Variants in PCDH12 observed in about 807,000 individuals in gnomAD.
PCDH12 encodes the protein protocadherin 12, also known as protocadherin-12.
A neutral mutation model predicts 70.9 loss-of-function variants in PCDH12; 45 were observed. The observed-to-expected ratio is 0.63, with a 90% confidence interval of 0.50 to 0.81. The LOEUF (loss-of-function observed/expected upper bound fraction) is 0.81, where lower values mean the gene tolerates loss of function less well. PCDH12 is among the 40% of genes least tolerant of loss of function. The probability of loss-of-function intolerance (pLI) is 0.00; values close to 1 mark genes in which losing one functional copy is unlikely to be tolerated. For missense variants in PCDH12, 1,370 were observed against 1,491.7 expected (o/e 0.92, Z 1.34); for synonymous variants, 567 against 626.0 (o/e 0.91, Z 1.41).
chr5:141,955,739 A>C lies in PCDH12; in HGVS notation c.2113T>G (p.Ser705Ala). ...CTCAAGGCCCCAGGCTTGCGGGCTGAGTCCCTCAGGTGGTCCACACTGGTG... is the reference window on the plus strand; with the variant it reads ...CTCAAGGCCCCAGGCTTGCGGGCTGCGTCCCTCAGGTGGTCCACACTGGTG... ...FVTSVDHLRD[S>A]ARKPGALSMS... Residue 705 changes from serine (S) to alanine (A), a missense_variant, in exon 1 of 4, where the codon TCA (serine) becomes GCA (alanine). By Grantham distance (99) the Ser-to-Ala change is moderately conservative (BLOSUM62 1). Coordinates refer to ENST00000231484, the MANE Select transcript of PCDH12 (RefSeq NM_016580.4). This position sits in a 1 kb window ranked among gnomAD's most constrained non-coding sequence, Gnocchi z 5.5. 2 of 1,614,112 alleles carry C rather than the reference A, an allele frequency of 1.2e-6. No homozygotes were observed. Among genetic ancestry groups the C allele is most frequent in the Non-Finnish European group, 1.7e-6 (2 of 1,179,992 alleles).
Position 141,956,965 on chromosome 5 carries a change from C to G in PCDH12, c.887G>C (p.Ser296Thr), listed in dbSNP as rs772762276. 1.2e-6 allele frequency: 2 copies of G among 1,614,072 alleles called. No individual in the cohort carries two copies. The highest frequency in any genetic ancestry group is 1.1e-5 in the South Asian group (1 of 91,082). Residue 296 changes from serine to threonine, a missense_variant, in exon 1 of 4, where the codon AGT becomes ACT. Ser to Thr is a moderately conservative substitution (Grantham distance 58). Transcript: ENST00000231484. ...GACCTGGCCTGTCTTGGCATCAATA[C>G]TGAAGGTGTCCAGCACCTCTGGAGG... ...HMPPEVLDTF[S>T]IDAKTGQVIL... is the part of the protein sequence containing the mutation.
At position 141,952,883 on chromosome 5, in the gene PCDH12, G is replaced by A. The variant is rs572707153; in HGVS notation, c.2881-1293C>T. ...TCCATCCCCATTCCTCCCTTAGGAG[G>A]TCCACCATGCCCCTCTGTGCAGCTT... is the stretch of plus-strand genomic sequence containing the variant. On this transcript the variant is annotated intron_variant, in intron 1 of 3. Transcript: ENST00000231484. 3 of 152,354 alleles carry A rather than the reference G, an allele frequency of 2.0e-5. No individual in the cohort carries two copies. The East Asian group carries it at 5.8e-4, about 29-fold the overall frequency. 9.4% of individuals were successfully genotyped at this position (152,354 alleles called of 1,614,324 possible).
chr5:141,951,771 C>A (rs1395942967), intron 1 of PCDH12, among the ~76,000 whole-genome samples, 181 bp from the exon 2 acceptor site: 1 of 152,222 alleles, frequency 6.6e-6, no homozygotes, highest in East Asian at 1.9e-4. Context: ...CGGGCAGGTC[C>A]CCTGCTCTGT....
Position 141,955,235 on chromosome 5 carries a change from C to T in PCDH12, c.2617G>A (p.Gly873Ser), listed in dbSNP as rs778658899. 2.5e-6 allele frequency: 4 copies of T among 1,614,236 alleles called. No individual in the cohort carries two copies. In the Admixed American group the frequency reaches 5.0e-5, roughly 20 times the overall value. The stretch of plus-strand genomic sequence containing the variant: ...TTCAGAGGCCTGGAACGTGGCTGGC[C>T]TGTGGCAGGCTGGGGCTCGGGAAGG... ...LNLPEPQPATGQPRSRPLKVA... is the reference protein window; with the variant it reads ...LNLPEPQPATSQPRSRPLKVA... The change falls in exon 1 of 4, where the codon GGC (glycine) becomes AGC (serine). Residue 873 changes from glycine (G) to serine (S), a missense_variant. Transcript: ENST00000231484. The surrounding 1 kb of genome is among the most constrained non-coding windows in gnomAD (Gnocchi z 5.5).
Position 141,945,384 on chromosome 5 carries a change from C to T in PCDH12, c.3552G>A (p.Leu1184=). The T allele has an allele frequency of 4.8e-6, 5 of 1,050,466 alleles. No individual in the cohort carries two copies. Among genetic ancestry groups the T allele is most frequent in the Non-Finnish European group, 6.6e-6 (5 of 757,258 alleles). The allele number at this position is 1,050,466 out of a possible 1,614,324, so 65.1% of individuals were successfully genotyped here. A position where few individuals can be genotyped will look rare whatever the true frequency, so the allele number is the denominator to read the frequency against. ...TCCAGAGGCGTCTGAGGTATGTTCA[C>T]AGGCACCTGCTGCTGCTGCTGCTGC... ...SRGSSSSSRC[L] The change falls in exon 4 of 4, where the codon CTG becomes CTA. Residue 1184 remains leucine (L), a synonymous_variant. Transcript: ENST00000231484.
intron 1 of PCDH12, among the ~76,000 whole-genome samples, 190 bp downstream of exon 1, chr5:141,954,782 G>C (rs1753145833): frequency 2.6e-5 from 4 of 152,202 alleles, no homozygotes; most frequent in Admixed American, 6.5e-5. Context: ...TAAGGAATTT[G>C]CCTAGGATCA....
chr5:141,949,101 G>T (rs896173586), intron 3 of PCDH12, among the ~76,000 whole-genome samples: 1 of 151,594 alleles, frequency 6.6e-6, no homozygotes, highest in Admixed American at 6.6e-5. Context: ...GTGCTCACCT[G>T]TAGTCCCAGC....
chr5:141,949,161 C>G (rs969622090), intron 3 of PCDH12, among the ~76,000 whole-genome samples: 1 of 151,774 alleles, frequency 6.6e-6, no homozygotes, highest in African/African-American at 2.4e-5. Flanking sequence ...GAGGTCAATG[C>G]TGCAGTGAGC....
At chr5:141,954,236 T>G (rs1409042995) in intron 1 of PCDH12, among the ~76,000 whole-genome samples, 2 of 152,176 alleles carry the variant, frequency 1.3e-5, no homozygotes, top group East Asian at 3.8e-4. Context: ...TAATTTCCAC[T>G]GCCCCATCCG....
Position 141,951,569 on chromosome 5 carries a change from A to G in PCDH12, c.2902T>C (p.Leu968=), listed in dbSNP as rs763011076. 1.9e-5 allele frequency: 30 copies of G among 1,614,088 alleles called. No individual in the cohort carries two copies. In the African/African-American group the frequency reaches 3.7e-4, roughly 20 times the overall value. ...PVQQISQLLS[L]LHQGQFQPKP... is the part of the protein sequence containing the mutation. Reference sequence around the variant, plus strand: ...GGCTGGAATTGGCCCTGATGCAGCAAGGACAGCAGCTGGGAGATTTGCTAC... The same window carrying G: ...GGCTGGAATTGGCCCTGATGCAGCAGGGACAGCAGCTGGGAGATTTGCTAC... Residue 968 remains leucine (L), a synonymous_variant, in exon 2 of 4, where the codon TTG becomes CTG. Coordinates refer to ENST00000231484, the MANE Select transcript of PCDH12 (RefSeq NM_016580.4).
chr5:141,956,681 A>G lies in PCDH12; in HGVS notation c.1171T>C (p.Cys391Arg). 6.2e-7 allele frequency: 1 copy of G among 1,614,254 alleles called. No individual in the cohort carries two copies. ...TGGCCCAGCTCTTGGCTCAGCCAGC[A>G]GTGGACCAAACCATTGTGTCCTGAA... ...LDSGHNGLVH[C>R]WLSQELGHFR... The change falls in exon 1 of 4, where the codon TGC (cysteine) becomes CGC (arginine). Residue 391 changes from cysteine (C) to arginine (R), a missense_variant. By Grantham distance (180) the Cys-to-Arg change is radical. Transcript: ENST00000231484.
chr5:141,945,024 A>G lies in PCDH12; in HGVS notation c.*357T>C, dbSNP rs944136230. On this transcript the variant is annotated 3_prime_UTR_variant, in exon 4 of 4. Coordinates refer to ENST00000231484, the MANE Select transcript of PCDH12 (RefSeq NM_016580.4). The stretch of plus-strand genomic sequence containing the variant: ...GAGCATTTCCTGGCACCCCCAGGGT[A>G]CAGCCCCCTGACTCCTGCTACCCAA... 4 of 264,050 alleles carry G rather than the reference A, an allele frequency of 1.5e-5. No homozygotes were observed. The East Asian group carries it at 2.6e-4, about 17-fold the overall frequency. The allele number at this position is 264,050 out of a possible 1,614,324, so 16.4% of individuals were successfully genotyped here. A position where few individuals can be genotyped will look rare whatever the true frequency, so the allele number is the denominator to read the frequency against.
At position 141,957,652 on chromosome 5, in the gene PCDH12, T is replaced by C. The variant is rs1753209042; in HGVS notation, c.200A>G (p.Gln67Arg). 4 of 1,614,190 alleles carry C rather than the reference T, an allele frequency of 2.5e-6. No homozygotes were observed. Among genetic ancestry groups the C allele is most frequent in the Non-Finnish European group, 3.4e-6 (4 of 1,180,038 alleles). The change falls in exon 1 of 4, where the codon CAG (glutamine) becomes CGG (arginine). Residue 67 changes from glutamine to arginine, a missense_variant. By Grantham distance (43) the Gln-to-Arg change is conservative. Transcript: ENST00000231484. The surrounding 1 kb of genome is among the most constrained non-coding windows in gnomAD (Gnocchi z 4.3). ...GAGCGCCTGAGGCAGCTGCAACACC[T>C]GGAAGGCAGCCCCAGCTTGCCTCCG... ...ERRRQAGAAF[Q>R]VLQLPQALPI...
chr5:141,957,577 A>T lies in PCDH12; in HGVS notation c.275T>A (p.Leu92Gln). The stretch of plus-strand genomic sequence containing the variant: ...CTGTCGGCACAGCTGCTCTCGATCC[A>T]GCCGCCTGCCTGTGCTGAGCAAGCC... The part of the protein sequence containing the change: ...EEGLLSTGRR[L>Q]DREQLCRQWD... Residue 92 changes from leucine to glutamine, a missense_variant, in exon 1 of 4, where the codon CTG becomes CAG. Leu to Gln is a moderately radical substitution (Grantham distance 113). Transcript: ENST00000231484. The surrounding 1 kb of genome is among the most constrained non-coding windows in gnomAD (Gnocchi z 4.3). The T allele has an allele frequency of 6.2e-7, 1 of 1,614,222 alleles. No homozygotes were observed. The highest frequency in any genetic ancestry group is 8.5e-7 in the Non-Finnish European group (1 of 1,180,046).
In PCDH12 at chr5:141,945,093, C is replaced by A. The variant is rs887426969; in HGVS notation, c.*288G>T. The A allele has an allele frequency of 2.8e-5, 12 of 423,354 alleles. 1 individual carries two copies. The East Asian group carries it at 3.3e-4, about 12-fold the overall frequency. The allele number at this position is 423,354 out of a possible 1,614,324, so 26.2% of individuals were successfully genotyped here. ...CCTGTGATACTCCGTGGCATCTGTT[C>A]TGCCAGAGGACTGACCCTTTGTGCT... On this transcript the variant is annotated 3_prime_UTR_variant, in exon 4 of 4. Transcript: ENST00000231484.
In PCDH12 at chr5:141,955,396, G is replaced by A. The variant is rs968702209; in HGVS notation, c.2456C>T (p.Thr819Ile). Residue 819 changes from threonine (T) to isoleucine (I), a missense_variant, in exon 1 of 4, where the codon ACC (threonine) becomes ATC (isoleucine). Transcript: ENST00000231484. The surrounding 1 kb of genome is among the most constrained non-coding windows in gnomAD (Gnocchi z 5.5). The part of the protein sequence containing the change: ...DPCLQAPFHL[T>I]PTLYRTLRNQ... ...ACGCAGCGTCCTGTACAGGGTCGGG[G>A]TGAGGTGGAAGGGGGCCTGCAGGCA... is the stretch of plus-strand genomic sequence containing the variant. 1.6e-5 allele frequency: 26 copies of A among 1,613,910 alleles called. No individual in the cohort carries two copies. Among genetic ancestry groups the A allele is most frequent in the Non-Finnish European group, 2.1e-5 (25 of 1,180,046 alleles).
At chr5:141,947,138 C>A (rs1224066214) in intron 3 of PCDH12, among the ~76,000 whole-genome samples, 4 of 152,198 alleles carry the variant, frequency 2.6e-5, no homozygotes, top group Non-Finnish European at 5.9e-5. Flanking sequence ...TATGTGTAGT[C>A]ATTTATTGTA....
intron 2 of PCDH12, 92 bp from the exon 3 acceptor site, chr5:141,949,675 A>G (rs1753036145): frequency 6.8e-7 from 1 of 1,472,226 alleles, no homozygotes; most frequent in African/African-American, 1.4e-5. Context: ...ATTTACCCAT[A>G]TAGGGAACTG....
In PCDH12 at chr5:141,955,387, A is replaced by G. The variant is rs1217903621; in HGVS notation, c.2465T>C (p.Leu822Pro). The G allele has an allele frequency of 3.1e-6, 5 of 1,613,860 alleles. No homozygotes were observed. The highest frequency in any genetic ancestry group is 3.3e-5 in the Admixed American group (2 of 60,000). ...LQAPFHLTPT[L>P]YRTLRNQGNQ... ...GCCTTGATTACGCAGCGTCCTGTAC[A>G]GGGTCGGGGTGAGGTGGAAGGGGGC... The change falls in exon 1 of 4, where the codon CTG becomes CCG. Residue 822 changes from leucine (L) to proline (P), a missense_variant. Coordinates refer to ENST00000231484, the MANE Select transcript of PCDH12 (RefSeq NM_016580.4). This position sits in a 1 kb window ranked among gnomAD's most constrained non-coding sequence, Gnocchi z 5.5.
Sources: allele counts gnomAD v4.1 joint callset (sites outside exome capture counted in the v4.1 genomes callset), GRCh38; gene constraint gnomAD v4.1.1; non-coding constraint Gnocchi (gnomAD v3.1); transcripts MANE v1.5; gene names NCBI Gene and HGNC (gene_info 2026-07-23, HGNC 2026-07-21).